CACNB4: variants seen among roughly 807,000 people sequenced by gnomAD.
CACNB4 encodes voltage-dependent L-type calcium channel subunit beta-4.
A neutral mutation model predicts 71.2 loss-of-function variants in CACNB4; 32 were observed. That is an observed-to-expected ratio of 0.45 (90% CI 0.34 to 0.60). The LOEUF is 0.60. Among genes scored for constraint, CACNB4 ranks in the 20% least tolerant of loss-of-function variants. The pLI is 0.01. For missense variants in CACNB4, 464 were observed against 647.9 expected, an observed-to-expected ratio of 0.72 and a Z score of 3.08; for synonymous variants, 231 against 236.9, an observed-to-expected ratio of 0.97 and a Z score of 0.23.
intron 2 of CACNB4, among the ~76,000 whole-genome samples, chr2:152,051,805 C>T (rs1685444058): frequency 1.3e-5 from 2 of 152,158 alleles, no homozygotes; most frequent in African/African-American, 4.8e-5. Context: ...CCAGTCACTC[C>T]CCAATCCCTC....
chr2:151,973,598 G>A, intron 2 of CACNB4: 6 of 1,379,948 alleles, frequency 4.3e-6, no homozygotes, highest in South Asian at 2.4e-5. Flanking sequence ...ATAAGAAGCG[G>A]GGGGGTGGAG....
chr2:152,069,978 G>A (rs939129197), intron 2 of CACNB4, among the ~76,000 whole-genome samples: 2 of 150,636 alleles, frequency 1.3e-5, no homozygotes, highest in Non-Finnish European at 1.5e-5. Flanking sequence ...GAGTAGCTGC[G>A]ACTACAGGCA....
At chr2:151,922,217 T>C (rs1217724989) in intron 2 of CACNB4, among the ~76,000 whole-genome samples, 1 of 152,164 alleles carries the variant, frequency 6.6e-6, no homozygotes, top group Non-Finnish European at 1.5e-5. Flanking sequence ...TTTATTTTAT[T>C]TTTGAGATGG....
At chr2:152,080,720 G>C (rs1687317339) in intron 2 of CACNB4, among the ~76,000 whole-genome samples, 1 of 152,250 alleles carries the variant, frequency 6.6e-6, no homozygotes, top group East Asian at 1.9e-4. Flanking sequence ...ATCTCATGTT[G>C]AAATGTGATC....
chr2:152,030,857 G>A (rs1045110898), intron 2 of CACNB4, among the ~76,000 whole-genome samples: 4 of 152,134 alleles, frequency 2.6e-5, no homozygotes, highest in Admixed American at 6.5e-5. Context: ...CAACCCAAAT[G>A]TCCATCAATG....
chr2:151,864,588 A>T (rs939218694), intron 9 of CACNB4, among the ~76,000 whole-genome samples: 3 of 152,160 alleles, frequency 2.0e-5, no homozygotes, highest in African/African-American at 7.2e-5. Flanking sequence ...TGTTCCGAAG[A>T]ATGCAACAGT....
At chr2:151,928,323 T>A (rs1041869566) in intron 2 of CACNB4, among the ~76,000 whole-genome samples, 1 of 152,204 alleles carries the variant, frequency 6.6e-6, no homozygotes, top group East Asian at 1.9e-4. Context: ...TTGTGTTAAA[T>A]TGTAGATACC....
chr2:151,860,594 C>T (rs2099841391), intron 10 of CACNB4, 117 bp downstream of exon 10: 1 of 738,364 alleles, frequency 1.4e-6, no homozygotes, highest in East Asian at 2.6e-5. Context: ...TTTTTAGGTA[C>T]TCAGTGCTCC....
At chr2:152,035,603 T>TCTCTCTC (rs1684522467) in intron 2 of CACNB4, among the ~76,000 whole-genome samples, 1 of 69,722 alleles carries the variant, frequency 1.4e-5, no homozygotes, top group South Asian at 4.8e-4. Flanking sequence ...CTCTCTCTCT[T>TCTCTCTC]TCTCTCTCTC....
intron 2 of CACNB4, among the ~76,000 whole-genome samples, chr2:151,908,076 C>G (rs1021616359): frequency 2.0e-5 from 3 of 152,090 alleles, no homozygotes; most frequent in Non-Finnish European, 4.4e-5. Flanking sequence ...AGGAGGAGAC[C>G]GTGAGGATGG....
chr2:151,878,584 T>TCACACACACACAC lies in CACNB4; in HGVS notation c.391-2029_391-2028insGTGTGTGTGTGTG, dbSNP rs1381700918. Among the ~76,000 whole-genome samples, 95 of 28,686 alleles carry TCACACACACACAC rather than the reference T, an allele frequency of 3.3e-3. 1 individual carries two copies. The highest frequency in any genetic ancestry group is 4.1e-3 in the Non-Finnish European group (55 of 13,522). 18.8% of individuals were successfully genotyped at this position (28,686 alleles called of 152,430 possible). On this transcript the variant is annotated intron_variant, in intron 4 of 13. Transcript: ENST00000539935. ...ACACACACACACACACACACACAGT[T>TCACACACACACAC]AGCTGGGTATAGTAGTGCACCTGTA...
At chr2:152,048,857 C>T (rs1459909375) in intron 2 of CACNB4, 2 of 152,112 alleles carry the variant, frequency 1.3e-5, no homozygotes, top group Non-Finnish European at 2.9e-5. Flanking sequence ...TTTTAGGGAC[C>T]AACTGTTGGG....
chr2:151,918,864 C>T (rs1012748519), intron 2 of CACNB4, among the ~76,000 whole-genome samples: 3 of 152,198 alleles, frequency 2.0e-5, no homozygotes, highest in Non-Finnish European at 2.9e-5. Flanking sequence ...ATCAACATTC[C>T]GACTTCATAC....
intron 2 of CACNB4, among the ~76,000 whole-genome samples, chr2:151,937,465 G>A (rs1348516842): frequency 1.3e-5 from 2 of 152,132 alleles, no homozygotes; most frequent in Admixed American, 6.5e-5. Flanking sequence ...AGATGCCAAG[G>A]CCTCCCAAAA....
At chr2:152,070,494 G>A (rs1686619913) in intron 2 of CACNB4, among the ~76,000 whole-genome samples, 1 of 151,956 alleles carries the variant, frequency 6.6e-6, no homozygotes, top group Non-Finnish European at 1.5e-5. Flanking sequence ...TTTATAGTTG[G>A]CAAAAACACT....
At chr2:151,957,267 T>TGTGTGTGTGTGC (rs2099868532) in intron 2 of CACNB4, among the ~76,000 whole-genome samples, 1 of 150,110 alleles carries the variant, frequency 6.7e-6, no homozygotes, top group Non-Finnish European at 1.5e-5. Flanking sequence ...CGTGTGTGTG[T>TGTGTGTGTGTGC]GTGTGTGTGT....
Position 151,855,278 on chromosome 2 carries a change from A to G in CACNB4, c.966T>C (p.Leu322=). 6.3e-7 allele frequency: 1 copy of G among 1,588,164 alleles called. No individual in the cohort carries two copies. Among genetic ancestry groups the G allele is most frequent in the Non-Finnish European group, 8.6e-7 (1 of 1,159,952 alleles). The part of the protein sequence containing the change: ...DADTINHPAQ[L]IKTSLAPIIV... Reference sequence around the variant, plus strand: ...TAATTGGTGCTAAGGAAGTCTTTATAAGTTGTGCTGGGTGATTGATGGTGT... The same window carrying G: ...TAATTGGTGCTAAGGAAGTCTTTATGAGTTGTGCTGGGTGATTGATGGTGT... Residue 322 remains leucine, a synonymous_variant, in exon 11 of 14, where the codon CTT becomes CTC. Coordinates refer to ENST00000539935, the MANE Select transcript of CACNB4 (RefSeq NM_000726.5).
At chr2:151,889,923 C>T (rs1156316183) in intron 2 of CACNB4, among the ~76,000 whole-genome samples, 1 of 152,110 alleles carries the variant, frequency 6.6e-6, no homozygotes, top group Non-Finnish European at 1.5e-5. Context: ...CTTCTTTGTT[C>T]CATGATTTTA....
intron 2 of CACNB4, among the ~76,000 whole-genome samples, chr2:151,988,328 C>A (rs1681487691): frequency 6.6e-6 from 1 of 152,118 alleles, no homozygotes; most frequent in Admixed American, 6.6e-5. Context: ...GCTCTCTAGG[C>A]CCTAAATGCC....
Sources: allele counts gnomAD v4.1 joint callset (sites outside exome capture counted in the v4.1 genomes callset), GRCh38; gene constraint gnomAD v4.1.1; transcripts MANE v1.5; gene names NCBI Gene and HGNC (gene_info 2026-07-23, HGNC 2026-07-21).